Variants in XIRP2 observed in about 807,000 individuals in gnomAD.
XIRP2 encodes xin actin-binding repeat-containing protein 2.
XIRP2 carries 236 observed loss-of-function variants against 277.0 expected under a neutral mutation model. The ratio of observed to expected loss-of-function variants is 0.85; its 90% CI spans 0.77 to 0.95. The LOEUF is 0.95. Among genes scored for constraint, XIRP2 ranks in the 40% least tolerant of loss-of-function variants. The probability of loss-of-function intolerance (pLI) is 0.00; values close to 1 mark genes in which losing one functional copy is unlikely to be tolerated. For synonymous variants in XIRP2, 1,490 were observed against 1,416.5 expected, an observed-to-expected ratio of 1.05 and a Z score of -1.17; for missense variants, 4,640 against 4,157.5, an observed-to-expected ratio of 1.12 and a Z score of -3.19.
At chr2:166,969,006 A>T (rs1662716109) in intron 2 of XIRP2, among the ~76,000 whole-genome samples, 1 of 151,984 alleles carries the variant, frequency 6.6e-6, no homozygotes, top group Non-Finnish European at 1.5e-5. Context: ...GTTTGTGTCA[A>T]GAAGAGTTTT....
intron 3 of XIRP2, among the ~76,000 whole-genome samples, chr2:167,202,982 A>G (rs1693764092): frequency 1.3e-5 from 2 of 151,876 alleles, no homozygotes; most frequent in South Asian, 4.2e-4. Flanking sequence ...AGAATATTCA[A>G]TCTCTTTTCT....
rs1693296662 is a variant in XIRP2 at position 167,190,451 on chromosome 2, G to A, written c.563-20284G>A. On this transcript the variant is annotated intron_variant, in intron 3 of 10. Coordinates refer to ENST00000409195, the MANE Select transcript of XIRP2 (RefSeq NM_152381.6). ...AAAGTCATTCTCGGGAGACTCCAGGGTTTCTATGCCAGGGACTGGGGACTA... is the reference window on the plus strand; with the variant it reads ...AAAGTCATTCTCGGGAGACTCCAGGATTTCTATGCCAGGGACTGGGGACTA... 2.0e-5 allele frequency among the ~76,000 whole-genome samples: 3 copies of A among 152,028 alleles called. No individual in the cohort carries two copies. In the South Asian group the frequency reaches 6.2e-4, roughly 32 times the overall value.
chr2:167,027,429 A>C (rs527636348), intron 2 of XIRP2, among the ~76,000 whole-genome samples: 1 of 152,114 alleles, frequency 6.6e-6, no homozygotes, highest in Non-Finnish European at 1.5e-5. Context: ...AAAAGTTTCT[A>C]ACTTCTTTGC....
intron 2 of XIRP2, among the ~76,000 whole-genome samples, chr2:166,946,594 T>A (rs1685872193): frequency 6.6e-6 from 1 of 152,118 alleles, no homozygotes; most frequent in Non-Finnish European, 1.5e-5. Flanking sequence ...TACTCAAAGA[T>A]TTGAAGAGGT....
rs1010624973 is a variant in XIRP2 at position 167,251,561 on chromosome 2, C to A, written c.10169C>A (p.Ser3390Tyr). 1.2e-6 allele frequency: 2 copies of A among 1,613,522 alleles called. No individual in the cohort carries two copies. The highest frequency in any genetic ancestry group is 1.7e-6 in the Non-Finnish European group (2 of 1,179,612). The stretch of plus-strand genomic sequence containing the variant: ...GGAAACACGAGTTTTACAGACTTTT[C>A]TTGCAAACATCCTAGAGAACTGCGA... ...SLGNTSFTDF[S>Y]CKHPRELREK... The change falls in exon 9 of 11, where the codon TCT (serine) becomes TAT (tyrosine). Residue 3390 changes from serine (S) to tyrosine (Y), a missense_variant. Coordinates refer to ENST00000409195, the MANE Select transcript of XIRP2 (RefSeq NM_152381.6).
At chr2:167,127,481 A>G (rs901363336) in intron 2 of XIRP2, among the ~76,000 whole-genome samples, 1 of 152,126 alleles carries the variant, frequency 6.6e-6, no homozygotes, top group African/African-American at 2.4e-5. Context: ...TTTCTCCTCT[A>G]CTGCCTTCAC....
At chr2:166,932,512 G>A (rs1685370745) in intron 2 of XIRP2, among the ~76,000 whole-genome samples, 1 of 152,042 alleles carries the variant, frequency 6.6e-6, no homozygotes, top group Admixed American at 6.6e-5. Context: ...ATGGCATCCA[G>A]CCCATACGCT....
chr2:167,055,454 T>C (rs1689016903), intron 2 of XIRP2, among the ~76,000 whole-genome samples: 1 of 152,188 alleles, frequency 6.6e-6, no homozygotes, highest in South Asian at 2.1e-4. Context: ...GGATATTATA[T>C]GGGTCATTTC....
At chr2:167,142,377 G>T (rs111546058) in intron 3 of XIRP2, among the ~76,000 whole-genome samples, 11 of 151,690 alleles carry the variant, frequency 7.3e-5, no homozygotes, top group Non-Finnish European at 1.6e-4. Context: ...GTGAAACCCC[G>T]TCTCTACTAA....
chr2:167,110,657 CT>C (rs113638617), intron 2 of XIRP2, among the ~76,000 whole-genome samples: 4,615 of 151,914 alleles, frequency 0.03, 78 homozygotes, highest in East Asian at 0.05. Flanking sequence ...GCTACTTGGA[CT>C]TTTTTTTATT....
chr2:166,976,085 G>A (rs1686710490), intron 2 of XIRP2, among the ~76,000 whole-genome samples: 2 of 151,848 alleles, frequency 1.3e-5, no homozygotes, highest in South Asian at 4.1e-4. Flanking sequence ...TTATTCCTCA[G>A]TAATGTGGAA....
intron 3 of XIRP2, among the ~76,000 whole-genome samples, chr2:167,154,624 A>G (rs1389257348): frequency 1.3e-5 from 2 of 152,128 alleles, no homozygotes; most frequent in Non-Finnish European, 2.9e-5. Flanking sequence ...CTTTCTACAT[A>G]TGGCTAGCCA....
chr2:167,159,477 A>G (rs919605594), intron 3 of XIRP2, among the ~76,000 whole-genome samples: 2 of 149,958 alleles, frequency 1.3e-5, no homozygotes, highest in Non-Finnish European at 3.0e-5. Flanking sequence ...GGATAAAGTC[A>G]TTTAAAATAT....
At chr2:167,001,184 C>T (rs1305488965) in intron 2 of XIRP2, among the ~76,000 whole-genome samples, 1 of 152,034 alleles carries the variant, frequency 6.6e-6, no homozygotes, top group Non-Finnish European at 1.5e-5. Flanking sequence ...CAGGTGCTTC[C>T]TATGCCTATT....
chr2:167,039,276 T>C (rs1688594422), intron 2 of XIRP2, among the ~76,000 whole-genome samples: 1 of 152,210 alleles, frequency 6.6e-6, no homozygotes, highest in African/African-American at 2.4e-5. Flanking sequence ...TTTTCTTCAT[T>C]ATAAAGCCTG....
intron 2 of XIRP2, among the ~76,000 whole-genome samples, chr2:167,058,727 G>C (rs1689099430): frequency 6.6e-6 from 1 of 152,186 alleles, no homozygotes; most frequent in Admixed American, 6.5e-5. Flanking sequence ...ATATGCTTCT[G>C]TTAGAATAAT....
intron 2 of XIRP2, among the ~76,000 whole-genome samples, chr2:167,122,105 A>G (rs766103735): frequency 6.6e-6 from 1 of 152,196 alleles, no homozygotes; most frequent in Admixed American, 6.6e-5. Flanking sequence ...AAATGAGATC[A>G]GTTAATCTAA....
At position 167,249,945 on chromosome 2, in the gene XIRP2, G is replaced by A. The variant is rs963745621; in HGVS notation, c.8553G>A (p.Lys2851=). Residue 2851 remains lysine (K), a synonymous_variant, in exon 9 of 11, where the codon AAG becomes AAA. Transcript: ENST00000409195. ...HEHLKNKSAP[K]VVKQKVIDAH... ...ATCTGAAGAATAAATCAGCACCAAA[G>A]GTCGTCAAGCAAAAGGTTATCGATG... is the stretch of plus-strand genomic sequence containing the variant. 2 of 1,613,520 alleles carry A rather than the reference G, an allele frequency of 1.2e-6. No homozygotes were observed. Among genetic ancestry groups the A allele is most frequent in the African/African-American group, 2.7e-5 (2 of 74,954 alleles).
At chr2:167,122,679 T>G (rs1452649146) in intron 2 of XIRP2, among the ~76,000 whole-genome samples, 3 of 152,214 alleles carry the variant, frequency 2.0e-5, no homozygotes, top group Non-Finnish European at 4.4e-5. Context: ...CATGGCTGCC[T>G]ACTTAGTGTA....
Sources: gnomAD v4.1 joint callset for allele counts (sites outside exome capture counted in the v4.1 genomes callset) on GRCh38, gnomAD v4.1.1 for gene constraint, MANE v1.5 for transcripts, NCBI Gene and HGNC (gene_info 2026-07-23, HGNC 2026-07-21) for gene names.